The following INPP5D variants were observed in gnomAD, a reference collection of about 807,000 sequenced individuals.
INPP5D encodes the protein phosphatidylinositol 3,4,5-trisphosphate 5-phosphatase 1.
A neutral mutation model predicts 122.9 loss-of-function variants in INPP5D; 33 were observed. The ratio of observed to expected loss-of-function variants is 0.27; its 90% CI spans 0.20 to 0.36. The LOEUF (loss-of-function observed/expected upper bound fraction) is 0.36, where lower values mean the gene tolerates loss of function less well. Ranked by LOEUF, INPP5D falls within the 10% of genes least tolerant of loss-of-function variation. The probability of loss-of-function intolerance (pLI) is 1.00; values close to 1 mark genes in which losing one functional copy is unlikely to be tolerated. For synonymous variants in INPP5D, 584 were observed against 576.2 expected (o/e 1.01, Z -0.19); for missense variants, 1,053 against 1,412.7 (o/e 0.75, Z 4.08).
chr2:233,164,510 C>T lies in INPP5D; in HGVS notation c.1555+86C>T. The T allele has an allele frequency of 7.1e-7, 1 of 1,413,830 alleles. No individual in the cohort carries two copies. Among genetic ancestry groups the T allele is most frequent in the South Asian group, 1.5e-5 (1 of 66,708 alleles). The allele number at this position is 1,413,830 out of a possible 1,614,324, so 87.6% of individuals were successfully genotyped here. A position where few individuals can be genotyped will look rare whatever the true frequency, so the allele number is the denominator to read the frequency against. On this transcript the variant is annotated intron_variant, in intron 13 of 26. Coordinates refer to ENST00000445964, the MANE Select transcript of INPP5D (RefSeq NM_001017915.3). The surrounding 1 kb of genome is among the most constrained non-coding windows in gnomAD (Gnocchi z 4.3). Reference sequence around the variant, plus strand: ...ATCATCCTGATCCCACCAGTAGTTCCCCGGGTTAAAAACAGAGAGCCTCAC... The same window carrying T: ...ATCATCCTGATCCCACCAGTAGTTCTCCGGGTTAAAAACAGAGAGCCTCAC...
chr2:233,135,983 C>G (rs1256467593), intron 5 of INPP5D, among the ~76,000 whole-genome samples: 2 of 152,200 alleles, frequency 1.3e-5, no homozygotes, highest in Non-Finnish European at 2.9e-5. Context: ...TAGCCACAAC[C>G]ACCCAATTAC....
At chr2:233,066,341 A>C (rs4973064) in intron 1 of INPP5D, among the ~76,000 whole-genome samples, 136,409 of 152,252 alleles carry the variant, frequency 0.9, 61,226 homozygotes, top group East Asian at 0.98. Flanking sequence ...ACAGCCAGGC[A>C]TTTCTCCCCA....
chr2:233,164,320 C>T lies in INPP5D; in HGVS notation c.1451C>T (p.Thr484Met), dbSNP rs376107758. The part of the protein sequence containing the change: ...SVTFKTVAIH[T>M]LWNIRIVVLA... ...TCCTCCCACCAGGTCGCCATCCACACGCTCTGGAACATCCGCATCGTGGTG... is the reference window on the plus strand; with the variant it reads ...TCCTCCCACCAGGTCGCCATCCACATGCTCTGGAACATCCGCATCGTGGTG... Residue 484 changes from threonine to methionine, a missense_variant, in exon 13 of 27, where the codon ACG (threonine) becomes ATG (methionine). Thr to Met is a moderately conservative substitution (Grantham distance 81, BLOSUM62 -1). Coordinates refer to ENST00000445964, the MANE Select transcript of INPP5D (RefSeq NM_001017915.3). The surrounding 1 kb of genome is among the most constrained non-coding windows in gnomAD (Gnocchi z 4.3). The T allele has an allele frequency of 5.2e-6, 8 of 1,550,680 alleles. No homozygotes were observed. The highest frequency in any genetic ancestry group is 1.4e-5 in the African/African-American group (1 of 73,054).
At chr2:233,154,450 T>C (rs1038794272) in intron 9 of INPP5D, among the ~76,000 whole-genome samples, 4 of 152,216 alleles carry the variant, frequency 2.6e-5, no homozygotes, top group African/African-American at 9.7e-5. Context: ...GTCAGGCTGC[T>C]ATTTCTTGTG....
intron 2 of INPP5D, 43 bp downstream of exon 2, chr2:233,079,441 C>T (rs781569604): frequency 9.1e-6 from 11 of 1,211,734 alleles, no homozygotes; most frequent in Admixed American, 3.4e-5. Flanking sequence ...TGACTTCAGC[C>T]GATACTGGCA....
intron 2 of INPP5D, among the ~76,000 whole-genome samples, chr2:233,087,627 G>A (rs1271991000): frequency 1.3e-5 from 2 of 152,224 alleles, no homozygotes; most frequent in Admixed American, 6.5e-5. Flanking sequence ...GCCCAGCCCT[G>A]AGGTATTTGA....
intron 2 of INPP5D, among the ~76,000 whole-genome samples, chr2:233,117,715 C>T (rs898987458): frequency 1.3e-5 from 2 of 152,262 alleles, no homozygotes; most frequent in South Asian, 2.1e-4. Context: ...TGCCTCCTGC[C>T]GGGACTCTGG....
rs1250517155 is a variant in INPP5D, at chr2:233,078,491, T to C, written c.135-844T>C. 6.6e-6 allele frequency among the ~76,000 whole-genome samples: 1 copy of C among 152,056 alleles called. No homozygotes were observed. Among genetic ancestry groups the C allele is most frequent in the Admixed American group, 6.5e-5 (1 of 15,278 alleles). On this transcript the variant is annotated intron_variant, in intron 1 of 26. Transcript: ENST00000445964. This position sits in a 1 kb window ranked among gnomAD's most constrained non-coding sequence, Gnocchi z 4.6. ...CTGGGAGATAATCCACGGGGCATAG[T>C]GTCCAAGAGGATGAAGCCATTTGGG...
rs1338094188 is a variant in INPP5D, at chr2:233,198,175, T to C, written c.2774T>C (p.Met925Thr). The C allele has an allele frequency of 3.7e-6, 6 of 1,613,432 alleles. No individual in the cohort carries two copies. Among genetic ancestry groups the C allele is most frequent in the Non-Finnish European group, 4.2e-6 (5 of 1,179,876 alleles). The change falls in exon 25 of 27, where the codon ATG (methionine) becomes ACG (threonine). Residue 925 changes from methionine to threonine, a missense_variant. Met to Thr is a moderately conservative substitution (Grantham distance 81, BLOSUM62 -1). This residue lies in a region of INPP5D where 417 missense variants were observed against 425.8 expected (regional missense o/e 0.98). Coordinates refer to ENST00000445964, the MANE Select transcript of INPP5D (RefSeq NM_001017915.3). ...GGAGTGGGGCCCTTTGGGCCACCAA[T>C]GCCCCTGCACGTGAAGCAGACCTTG... is the stretch of plus-strand genomic sequence containing the variant. ...YMGVGPFGPP[M>T]PLHVKQTLSP...
intron 1 of INPP5D, among the ~76,000 whole-genome samples, chr2:233,066,775 T>C (rs1691240689): frequency 6.8e-6 from 1 of 146,208 alleles, no homozygotes; most frequent in African/African-American, 2.6e-5. Flanking sequence ...CCCGGCTAAT[T>C]TTTTTTTTTC....
intron 14 of INPP5D, chr2:233,169,683 T>C: frequency 1.7e-6 from 1 of 582,872 alleles, no homozygotes. Context: ...AAGCCTCCTC[T>C]GGGGCCTCCT....
At position 233,105,744 on chromosome 2, in the gene INPP5D, C is replaced by A. The variant is rs186624719; in HGVS notation, c.199-16363C>A. The stretch of plus-strand genomic sequence containing the variant: ...CAGGTGATCGTGGGGCGGATCTTGA[C>A]GAGTAGCTTCGAGGACAGGGGCCAC... On this transcript the variant is annotated intron_variant, in intron 2 of 26. Transcript: ENST00000445964. The surrounding 1 kb of genome is among the most constrained non-coding windows in gnomAD (Gnocchi z 4.0). Among the ~76,000 whole-genome samples, 263 of 152,246 alleles carry A rather than the reference C, an allele frequency of 1.7e-3. No homozygotes were observed. Among genetic ancestry groups the A allele is most frequent in the African/African-American group, 6.1e-3 (255 of 41,554 alleles).
chr2:233,169,271 A>T (rs1694426102), intron 13 of INPP5D, 34 bp from the exon 14 acceptor site: 1 of 1,566,724 alleles, frequency 6.4e-7, no homozygotes, highest in South Asian at 1.2e-5. Context: ...TGTCTGTTTG[A>T]TATTTTGATT....
intron 2 of INPP5D, among the ~76,000 whole-genome samples, chr2:233,079,968 C>T (rs1401254782): frequency 6.6e-6 from 1 of 152,174 alleles, no homozygotes. Flanking sequence ...TCACTCTTGT[C>T]ACCCAGGCTG....
At chr2:233,185,379 A>G (rs1694885820) in intron 20 of INPP5D, among the ~76,000 whole-genome samples, 1 of 152,148 alleles carries the variant, frequency 6.6e-6, no homozygotes, top group Admixed American at 6.5e-5. Flanking sequence ...AGCGGTTCGA[A>G]AAATGATGAG....
chr2:233,185,027 C>G (rs951260315), intron 20 of INPP5D, among the ~76,000 whole-genome samples: 4 of 152,228 alleles, frequency 2.6e-5, no homozygotes, highest in East Asian at 1.9e-4. Flanking sequence ...GAGCCAGCAG[C>G]CTTTAGCACA....
chr2:233,175,336 A>C (rs188481609), intron 17 of INPP5D, among the ~76,000 whole-genome samples: 1 of 152,214 alleles, frequency 6.6e-6, no homozygotes, highest in Non-Finnish European at 1.5e-5. Context: ...CTTATAAACA[A>C]TGGAACTTTT....
At chr2:233,182,051 G>A (rs138336976) in intron 18 of INPP5D, among the ~76,000 whole-genome samples, 5,336 of 152,204 alleles carry the variant, frequency 0.035, 162 homozygotes, top group East Asian at 0.12. Context: ...AGCCGAGATC[G>A]CGCCACTGCA....
chr2:233,185,068 G>A (rs1559340475), intron 20 of INPP5D, among the ~76,000 whole-genome samples: 1 of 152,178 alleles, frequency 6.6e-6, no homozygotes, highest in Non-Finnish European at 1.5e-5. Context: ...CTTTCCGGGT[G>A]ACATTTCTAG....
Sources: allele counts gnomAD v4.1 joint callset (sites outside exome capture counted in the v4.1 genomes callset), GRCh38; gene constraint gnomAD v4.1.1; regional missense constraint gnomAD v4.1.1; non-coding constraint Gnocchi (gnomAD v3.1); transcripts MANE v1.5; gene names NCBI Gene and HGNC (gene_info 2026-07-23, HGNC 2026-07-21).